DMD: variants seen among roughly 807,000 people sequenced by gnomAD.
The protein encoded by DMD is dystrophin.
In DMD, 63 loss-of-function variants were observed where a neutral mutation model predicts 330.1. That is an observed-to-expected ratio of 0.19 (90% CI 0.16 to 0.24). The LOEUF is 0.24. Ranked by LOEUF, DMD falls within the 10% of genes least tolerant of loss-of-function variation. The pLI, the probability that DMD is intolerant of heterozygous loss-of-function variation, is 1.00. For missense variants in DMD, 3,344 were observed against 2,684.1 expected, an observed-to-expected ratio of 1.25 and a Z score of -5.43; for synonymous variants, 1,223 against 959.8, an observed-to-expected ratio of 1.27 and a Z score of -5.07.
At chrX:32,032,714 T>C (rs1465734208) in intron 44 of DMD, among the ~76,000 whole-genome samples, 1 of 112,172 alleles carries the variant, frequency 8.9e-6, no homozygotes, top group African/African-American at 3.2e-5. Flanking sequence ...TAGGAGTCTG[T>C]AGGACCAAGC....
chrX:33,095,621 G>A (rs1374260830), intron 1 of DMD, among the ~76,000 whole-genome samples: 1 of 111,857 alleles, frequency 8.9e-6, no homozygotes, highest in African/African-American at 3.2e-5. Flanking sequence ...ACAAACTCAT[G>A]TATCAGTAGC....
chrX:32,200,219 C>T (rs1443708504), intron 44 of DMD, among the ~76,000 whole-genome samples: 1 of 110,777 alleles, frequency 9.0e-6, no homozygotes, highest in Non-Finnish European at 1.9e-5. Context: ...CCGCTCCCTG[C>T]TCCAGCTCAC....
At chrX:32,878,595 TA>T (rs2083579265) in intron 2 of DMD, among the ~76,000 whole-genome samples, 1 of 111,607 alleles carries the variant, frequency 9.0e-6, no homozygotes, top group Non-Finnish European at 1.9e-5. Context: ...AGAAAATCTC[TA>T]AAAAAGTTGT....
intron 9 of DMD, among the ~76,000 whole-genome samples, chrX:32,666,085 A>G (rs1374543380): frequency 9.1e-6 from 1 of 109,858 alleles, no homozygotes; most frequent in Non-Finnish European, 1.9e-5. Context: ...GTAGGGAAAG[A>G]GGGGGAGATG....
At chrX:33,108,540 A>G (rs1266358934) in intron 1 of DMD, among the ~76,000 whole-genome samples, 1 of 107,071 alleles carries the variant, frequency 9.3e-6, no homozygotes, top group African/African-American at 3.4e-5. Flanking sequence ...TGCTGGGATT[A>G]CAGGCATGAT....
intron 62 of DMD, among the ~76,000 whole-genome samples, chrX:31,314,779 A>AGAGT (rs1225831523): frequency 1.9e-4 from 18 of 93,441 alleles, no homozygotes; most frequent in African/African-American, 6.4e-4. Context: ...AGAGAGAGAG[A>AGAGT]GTGTTTTACC....
chrX:32,472,404 G>C (rs1603634306), intron 21 of DMD, 95 bp from the exon 22 acceptor site: 2 of 835,222 alleles, frequency 2.4e-6, no homozygotes, highest in Non-Finnish European at 3.4e-6. Flanking sequence ...TATATTACTA[G>C]TTTCAAATAT....
chrX:33,236,905 T>C (rs2052493771), intron 1 of DMD, among the ~76,000 whole-genome samples: 1 of 111,261 alleles, frequency 9.0e-6, no homozygotes, highest in Non-Finnish European at 1.9e-5. Flanking sequence ...TATCTATTAA[T>C]TATGTATATT....
intron 19 of DMD, among the ~76,000 whole-genome samples, 174 bp downstream of exon 19, chrX:32,501,581 T>C (rs2044057484): frequency 8.9e-6 from 1 of 111,735 alleles, no homozygotes. Context: ...AAAGTTGAAT[T>C]TCTCCTAATA....
chrX:32,699,232 T>A lies in DMD; in HGVS notation c.711A>T (p.Gln237His), dbSNP rs778632674. The part of the protein sequence containing the change: ...SILMYITSLF[Q>H]VLPQQVSIEA... ...CAATGCTCACTTGTTGAGGCAAAAC[T>A]TGGAAGAGTGATGTGATGTACATTA... The change falls in exon 8 of 79, where the codon CAA (glutamine) becomes CAT (histidine). Residue 237 changes from glutamine to histidine, a missense_variant. Coordinates refer to ENST00000357033, the MANE Select transcript of DMD (RefSeq NM_004006.3). The A allele has an allele frequency of 8.3e-7, 1 of 1,210,001 alleles. No homozygotes were observed. Among genetic ancestry groups the A allele is most frequent in the East Asian group, 3.0e-5 (1 of 33,789 alleles).
intron 30 of DMD, among the ~76,000 whole-genome samples, chrX:32,409,647 C>T (rs193249239): frequency 1.3e-3 from 144 of 111,810 alleles, no homozygotes; most frequent in African/African-American, 4.3e-3. Context: ...GCAAGTCTGT[C>T]ACAAAGTAAT....
chrX:32,362,682 T>G (rs1414027367), intron 37 of DMD, 106 bp downstream of exon 37: 4 of 955,288 alleles, frequency 4.2e-6, no homozygotes, highest in African/African-American at 3.9e-5. Context: ...TTCATTTTCC[T>G]TTTGAAAACC....
chrX:33,208,928 A>G (rs2051734014), intron 1 of DMD, among the ~76,000 whole-genome samples: 1 of 111,509 alleles, frequency 9.0e-6, no homozygotes, highest in African/African-American at 3.2e-5. Context: ...TTCCAAGACA[A>G]TGATTTTAAT....
At chrX:32,715,539 CACTTAGGG>C (rs1487538499) in intron 7 of DMD, among the ~76,000 whole-genome samples, 3 of 103,127 alleles carry the variant, frequency 2.9e-5, no homozygotes, top group African/African-American at 1.1e-4. Flanking sequence ...ATAATCCTAG[CACTTAGGG>C]ACTTAGGGAG....
chrX:32,574,809 T>C (rs1315393975), intron 13 of DMD, among the ~76,000 whole-genome samples: 1 of 111,847 alleles, frequency 8.9e-6, no homozygotes, highest in Non-Finnish European at 1.9e-5. Context: ...TGTTACTTTA[T>C]ACTACATATG....
intron 2 of DMD, among the ~76,000 whole-genome samples, chrX:32,955,666 T>A (rs1273243810): frequency 1.8e-5 from 2 of 112,000 alleles, no homozygotes; most frequent in African/African-American, 6.5e-5. Context: ...TTTTTATAGT[T>A]TGAGGTTTTA....
In DMD at chrX:32,846,604, C is replaced by T. The variant is rs376656105; in HGVS notation, c.187-1744G>A. 3.7e-5 allele frequency among the ~76,000 whole-genome samples: 4 copies of T among 109,222 alleles called. No homozygotes were observed. In the South Asian group the frequency reaches 1.6e-3, roughly 44 times the overall value. 94.8% of individuals were successfully genotyped at this position (109,222 alleles called of 115,157 possible). On this transcript the variant is annotated intron_variant, in intron 3 of 78. Coordinates refer to ENST00000357033, the MANE Select transcript of DMD (RefSeq NM_004006.3). The stretch of plus-strand genomic sequence containing the variant: ...AAACATTAAGGCTAACCTTATGAAC[C>T]AGAATCTCCATTTTTACCTCTTAGA...
chrX:32,351,955 G>C (rs1321559305), intron 37 of DMD, among the ~76,000 whole-genome samples: 3 of 110,503 alleles, frequency 2.7e-5, no homozygotes, highest in Non-Finnish European at 5.7e-5. Flanking sequence ...TCAATGTGTA[G>C]GGTCTAAATT....
intron 7 of DMD, among the ~76,000 whole-genome samples, chrX:32,786,957 A>G (rs1016455407): frequency 2.2e-5 from 2 of 89,678 alleles, no homozygotes; most frequent in African/African-American, 8.9e-5. Flanking sequence ...GATTACATCA[A>G]TATTACTATG....
Sources: gnomAD v4.1 joint callset for allele counts (sites outside exome capture counted in the v4.1 genomes callset) on GRCh38, gnomAD v4.1.1 for gene constraint, MANE v1.5 for transcripts, NCBI Gene and HGNC (gene_info 2026-07-23, HGNC 2026-07-21) for gene names.